PLEC: variants seen among roughly 807,000 people sequenced by gnomAD.
PLEC encodes plectin, also known as hemidesmosomal protein 1.
Under a neutral mutation model 392.8 loss-of-function variants are expected in PLEC, and 216 were observed. The observed-to-expected ratio is 0.55, with a 90% CI of 0.49 to 0.62. The LOEUF (loss-of-function observed/expected upper bound fraction) is 0.62, where lower values mean the gene tolerates loss of function less well. PLEC is among the 20% of genes least tolerant of loss of function. The pLI, the probability that PLEC is intolerant of heterozygous loss-of-function variation, is 0.00. For synonymous variants in PLEC, 3,621 were observed against 2,980.6 expected, an observed-to-expected ratio of 1.21 and a Z score of -7.00; for missense variants, 6,863 against 6,563.4, an observed-to-expected ratio of 1.05 and a Z score of -1.58.
chr8:143,946,871 C>T (rs947531295), intron 1 of PLEC, among the ~76,000 whole-genome samples: 1 of 151,740 alleles, frequency 6.6e-6, no homozygotes, highest in Non-Finnish European at 1.5e-5. Flanking sequence ...TCACATTCCT[C>T]AGCCCCAAAG....
intron 1 of PLEC, among the ~76,000 whole-genome samples, chr8:143,972,194 G>A (rs1487605149): frequency 1.3e-5 from 2 of 152,202 alleles, no homozygotes; most frequent in Non-Finnish European, 2.9e-5. Context: ...GAGCCCAGGT[G>A]GGCGGCTGCT....
intron 16 of PLEC, 28 bp downstream of exon 16, chr8:143,932,372 G>C (rs1554716760): frequency 6.2e-7 from 1 of 1,612,130 alleles, no homozygotes; most frequent in Non-Finnish European, 8.5e-7. Context: ...GGGGCTGTGG[G>C]GTTCAGGGCA....
rs1327011769 is a variant in PLEC at position 143,920,783 on chromosome 8, A to G, written c.9038T>C (p.Val3013Ala). 1.1e-5 allele frequency: 17 copies of G among 1,606,894 alleles called. No homozygotes were observed. Among genetic ancestry groups the G allele is most frequent in the Non-Finnish European group, 1.2e-5 (14 of 1,179,906 alleles). The change falls in exon 32 of 32, where the codon GTG (valine) becomes GCG (alanine). Residue 3013 changes from valine (V) to alanine (A), a missense_variant. By Grantham distance (64) the Val-to-Ala change is moderately conservative. Transcript: ENST00000345136. ...CCGGAGAGCCCGCCGCACAGTGTCC[A>G]CCTCGGCTACGTCTCGCACAGAGCG... ...GERSVRDVAE[V>A]DTVRRALRGA...
chr8:143,950,430 C>T (rs1554735528), exon 1 of PLEC: 2 of 1,600,824 alleles, frequency 1.2e-6, no homozygotes, highest in East Asian at 2.3e-5. Context: ...GAGGCGGGCA[C>T]GATCTCTGGC....
At chr8:143,939,676 G>A (rs1401394043), upstream of PLEC, 42 of 1,389,696 alleles carry the variant, frequency 3.0e-5, no homozygotes, top group Middle Eastern at 5.4e-4. Context: ...TGCCCAGGCC[G>A]CCGCCAGGGA....
chr8:143,927,637 A>G lies in PLEC; in HGVS notation c.3529T>C (p.Trp1177Arg). 1.3e-6 allele frequency: 2 copies of G among 1,587,152 alleles called. No individual in the cohort carries two copies. The highest frequency in any genetic ancestry group is 1.7e-6 in the Non-Finnish European group (2 of 1,170,214). ...HGERDVEVER[W>R]RERVAQLLER... is the part of the protein sequence containing the mutation. ...AGCAACTGGGCGACCCGCTCCCGCC[A>G]GCGCTCCACCTCCACGTCCCGCTCC... Residue 1177 changes from tryptophan (W) to arginine (R), a missense_variant, in exon 27 of 32, where the codon TGG becomes CGG. Transcript: ENST00000345136.
intron 1 of PLEC, among the ~76,000 whole-genome samples, chr8:143,959,583 T>C (rs1318684348): frequency 2.6e-5 from 4 of 152,388 alleles, no homozygotes; most frequent in African/African-American, 9.6e-5. Flanking sequence ...AGCGAGGCCA[T>C]GTGACTTGTC....
In PLEC at chr8:143,933,116, GGC is replaced by G; in HGVS notation, c.1419-7_1419-6del. On this transcript the variant is annotated splice_region_variant and splice_polypyrimidine_tract_variant and intron_variant, in intron 13 of 31. Transcript: ENST00000345136. ...CGCTCGTGCAGACGGTACACCCTGG[GGC>G]AGCAGAGGACTCAGGTAGGTGTTGG... 1.3e-6 allele frequency: 2 copies of G among 1,598,566 alleles called. No individual in the cohort carries two copies. The highest frequency in any genetic ancestry group is 2.7e-5 in the African/African-American group (2 of 74,924).
chr8:143,925,788 G>T lies in PLEC; in HGVS notation c.4141C>A (p.Gln1381Lys). Residue 1381 changes from glutamine (Q) to lysine (K), a missense_variant, in exon 31 of 32, where the codon CAG (glutamine) becomes AAG (lysine). By Grantham distance (53) the Gln-to-Lys change is moderately conservative (BLOSUM62 1). Coordinates refer to ENST00000345136, the MANE Select transcript of PLEC (RefSeq NM_201384.3). ...KQRQLAEAHA[Q>K]AKAQAEREAK... Reference sequence around the variant, plus strand: ...TCCCGCTCCGCCTGTGCCTTTGCCTGGGCGTGCGCCTCGGCCAGCTGCCGC... The same window carrying T: ...TCCCGCTCCGCCTGTGCCTTTGCCTTGGCGTGCGCCTCGGCCAGCTGCCGC... 6.3e-7 allele frequency: 1 copy of T among 1,582,042 alleles called. No individual in the cohort carries two copies. The highest frequency in any genetic ancestry group is 8.5e-7 in the Non-Finnish European group (1 of 1,171,540).
chr8:143,943,226 A>G (rs1263647374), upstream of PLEC, among the ~76,000 whole-genome samples: 1 of 152,204 alleles, frequency 6.6e-6, no homozygotes, highest in African/African-American at 2.4e-5. Context: ...CCAGAAGCCC[A>G]TAATTGAGGC....
At chr8:143,976,261 G>A (rs1486191147), upstream of PLEC, among the ~76,000 whole-genome samples, 3 of 152,236 alleles carry the variant, frequency 2.0e-5, no homozygotes, top group Admixed American at 6.5e-5. Flanking sequence ...CCCAGCCCCC[G>A]TCCCCAAGAG....
rs782189077 is a variant in PLEC at position 143,925,800 on chromosome 8, C to T, written c.4129G>A (p.Glu1377Lys). The change falls in exon 31 of 32, where the codon GAG (glutamate) becomes AAG (lysine). Residue 1377 changes from glutamate to lysine, a missense_variant. Transcript: ENST00000345136. Reference sequence around the variant, plus strand: ...TGTGCCTTTGCCTGGGCGTGCGCCTCGGCCAGCTGCCGCTGCTTCTCCAGC... The same window carrying T: ...TGTGCCTTTGCCTGGGCGTGCGCCTTGGCCAGCTGCCGCTGCTTCTCCAGC... ...AALEKQRQLA[E>K]AHAQAKAQAE... The T allele has an allele frequency of 3.0e-5, 47 of 1,572,056 alleles. No homozygotes were observed. Among genetic ancestry groups the T allele is most frequent in the African/African-American group, 4.0e-5 (3 of 74,426 alleles).
upstream of PLEC, chr8:143,953,825 G>A (rs918051944): frequency 3.7e-5 from 60 of 1,607,016 alleles, no homozygotes; most frequent in African/African-American, 6.0e-4. Flanking sequence ...GTCCAGCCCC[G>A]CACCGCACTG....
upstream of PLEC, chr8:143,953,584 T>C: frequency 1.1e-6 from 1 of 906,052 alleles, no homozygotes. Context: ...GAGTCTGGGG[T>C]CTCCTGCGGC....
rs1196185603 is a variant in PLEC at position 143,929,090 on chromosome 8, C to T, written c.3260+13G>A. 11 of 1,562,142 alleles carry T rather than the reference C, an allele frequency of 7.0e-6. No individual in the cohort carries two copies. Among genetic ancestry groups the T allele is most frequent in the Non-Finnish European group, 9.5e-6 (11 of 1,153,668 alleles). ...CCGACCCCAGCCCCTCGCCTGTGGC[C>T]AGGTGCACTCACTTCTCCAGGTAGA... On this transcript the variant is annotated intron_variant, in intron 25 of 31. Coordinates refer to ENST00000345136, the MANE Select transcript of PLEC (RefSeq NM_201384.3).
chr8:143,958,716 A>C (rs782406527), upstream of PLEC: 28 of 447,362 alleles, frequency 6.3e-5, no homozygotes, highest in Middle Eastern at 3.3e-4. This position sits in a 1 kb window ranked among gnomAD's most constrained non-coding sequence, Gnocchi z 4.9. Flanking sequence ...AGCAGGGTGG[A>C]CCTCGCCAGG....
Position 143,934,724 on chromosome 8 carries a change from A to G in PLEC, c.952T>C (p.Trp318Arg). The G allele has an allele frequency of 1.2e-6, 2 of 1,612,498 alleles. No homozygotes were observed. The highest frequency in any genetic ancestry group is 2.2e-5 in the East Asian group (1 of 44,872). The change falls in exon 10 of 32, where the codon TGG (tryptophan) becomes CGG (arginine). Residue 318 changes from tryptophan to arginine, a missense_variant. Transcript: ENST00000345136. ...TCCTTAAACTTCAGGAACTGAGACC[A>G]CAGGATCTGCCAGGGACGAGGCTGT... Reference protein sequence around the residue: ...PSSFEEIEILWSQFLKFKEME... With the variant: ...PSSFEEIEILRSQFLKFKEME...
chr8:143,926,016 C>T (rs1344384980), intron 30 of PLEC, 132 bp from the exon 31 acceptor site: 41 of 1,064,370 alleles, frequency 3.9e-5, no homozygotes, highest in South Asian at 8.1e-5. Context: ...GGCCCCAGCC[C>T]GGCGGAGGAG....
chr8:143,948,709 A>T (rs7818941), intron 1 of PLEC, among the ~76,000 whole-genome samples: 48,553 of 151,742 alleles, frequency 0.32, 8,607 homozygotes, highest in Non-Finnish European at 0.4. Context: ...AGCACACCCC[A>T]CTCTTGGCCC....
Sources: allele counts gnomAD v4.1 joint callset (sites outside exome capture counted in the v4.1 genomes callset), GRCh38; gene constraint gnomAD v4.1.1; non-coding constraint Gnocchi (gnomAD v3.1); transcripts MANE v1.5; gene names NCBI Gene and HGNC (gene_info 2026-07-23, HGNC 2026-07-21).